SANBR: variants seen among roughly 807,000 people sequenced by gnomAD.
The protein encoded by SANBR is SANT and BTB domain regulator of CSR.
Under a neutral mutation model 101.8 loss-of-function variants are expected in SANBR, and 77 were observed. The observed-to-expected ratio is 0.76, with a 90% CI of 0.63 to 0.91. The LOEUF (loss-of-function observed/expected upper bound fraction) is 0.91. Among genes scored for constraint, SANBR ranks in the 40% least tolerant of loss-of-function variants. The pLI is 0.00. For missense variants in SANBR, 875 were observed against 853.0 expected (o/e 1.03, Z -0.32); for synonymous variants, 279 against 274.7 (o/e 1.02, Z -0.15).
intron 13 of SANBR, among the ~76,000 whole-genome samples, chr2:61,105,916 C>T (rs140223167): frequency 0.048 from 7,228 of 152,152 alleles, 271 homozygotes; most frequent in Middle Eastern, 0.085. Context: ...GTGATCCGCC[C>T]GCCTCGGCCT....
chr2:61,077,297 G>GA, intron 6 of SANBR, 139 bp downstream of exon 6: 1 of 672,056 alleles, frequency 1.5e-6, no homozygotes, highest in Non-Finnish European at 2.7e-6. Context: ...TTAGGAAACT[G>GA]ATAACCTCAT....
intron 17 of SANBR, among the ~76,000 whole-genome samples, chr2:61,116,400 G>A (rs1684082411): frequency 6.6e-6 from 1 of 152,108 alleles, no homozygotes; most frequent in South Asian, 2.1e-4. Flanking sequence ...GGAACTGAAC[G>A]TGTAAGGGAC....
intron 1 of SANBR, among the ~76,000 whole-genome samples, chr2:61,066,739 A>G (rs993523582): frequency 6.6e-6 from 1 of 152,200 alleles, no homozygotes; most frequent in Non-Finnish European, 1.5e-5. Flanking sequence ...AATAAGAAAA[A>G]AATATATCAG....
At chr2:61,086,997 G>T (rs1682467205) in intron 8 of SANBR, among the ~76,000 whole-genome samples, 1 of 152,112 alleles carries the variant, frequency 6.6e-6, no homozygotes, top group African/African-American at 2.4e-5. Flanking sequence ...TAGAATTAAA[G>T]ACATACTTAG....
chr2:61,080,372 C>G (rs1213289824), intron 6 of SANBR, among the ~76,000 whole-genome samples: 1 of 152,034 alleles, frequency 6.6e-6, no homozygotes, highest in Non-Finnish European at 1.5e-5. Context: ...GAATGGGGTA[C>G]ATTACCATTT....
chr2:61,126,211 A>C (rs1684508397), downstream of SANBR, among the ~76,000 whole-genome samples: 1 of 152,234 alleles, frequency 6.6e-6, no homozygotes. Flanking sequence ...GAAGTGCACA[A>C]GGCAAATATC....
chr2:61,088,991 A>G, intron 10 of SANBR: 1 of 902,012 alleles, frequency 1.1e-6, no homozygotes, highest in Non-Finnish European at 1.3e-6. Context: ...ATAATGTTTT[A>G]CACATTAAAA....
intron 10 of SANBR, among the ~76,000 whole-genome samples, chr2:61,091,718 T>G (rs1385100154): frequency 1.3e-5 from 2 of 152,116 alleles, no homozygotes; most frequent in African/African-American, 4.8e-5. Context: ...CTATGATGAT[T>G]GCACCACTGC....
downstream of SANBR, among the ~76,000 whole-genome samples, chr2:61,128,552 G>C (rs1264624645): frequency 1.3e-5 from 2 of 151,670 alleles, no homozygotes; most frequent in Non-Finnish European, 2.9e-5. Context: ...GAGTGCAGTG[G>C]TGCGATCTCA....
chr2:61,132,451 T>A (rs1162906962), intron 20 of SANBR, among the ~76,000 whole-genome samples: 2 of 152,080 alleles, frequency 1.3e-5, no homozygotes, highest in East Asian at 3.8e-4. Flanking sequence ...GAAATGCAAA[T>A]CAAAACCACA....
chr2:61,125,383 T>G (rs2104981490), downstream of SANBR, among the ~76,000 whole-genome samples: 1 of 152,364 alleles, frequency 6.6e-6, no homozygotes, highest in African/African-American at 2.4e-5. Context: ...AGGCACCTAA[T>G]ACTTTTCGTG....
chr2:61,130,997 G>A (rs773228409), intron 20 of SANBR, among the ~76,000 whole-genome samples: 3 of 121,360 alleles, frequency 2.5e-5, no homozygotes, highest in East Asian at 4.9e-4. Flanking sequence ...AAAAGCAATC[G>A]ACAAGCCCAA....
At chr2:61,099,036 A>T (rs1683167086) in intron 12 of SANBR, among the ~76,000 whole-genome samples, 1 of 152,222 alleles carries the variant, frequency 6.6e-6, no homozygotes, top group Non-Finnish European at 1.5e-5. Context: ...ACGTGAGGTG[A>T]AGAGGAAAGG....
intron 14 of SANBR, 41 bp from the exon 15 acceptor site, chr2:61,108,276 G>A (rs1479410796): frequency 7.3e-7 from 1 of 1,371,922 alleles, no homozygotes; most frequent in Non-Finnish European, 1.0e-6. Flanking sequence ...CTGCAATCTA[G>A]GTAAATGCAG....
intron 16 of SANBR, among the ~76,000 whole-genome samples, chr2:61,112,361 C>T (rs1683870461): frequency 6.6e-6 from 1 of 152,052 alleles, no homozygotes; most frequent in African/African-American, 2.4e-5. Flanking sequence ...AAATCTTTGG[C>T]CCATTTTTAT....
At chr2:61,070,304 C>T (rs754617359) in intron 2 of SANBR, 38 bp from the exon 3 acceptor site, 23 of 1,457,514 alleles carry the variant, frequency 1.6e-5, no homozygotes, top group Admixed American at 1.5e-4. Context: ...ATTTGGATTT[C>T]GGGTTTAAAT....
chr2:61,130,570 A>C (rs1684656742), intron 20 of SANBR, among the ~76,000 whole-genome samples: 2 of 152,180 alleles, frequency 1.3e-5, no homozygotes, highest in African/African-American at 2.4e-5. Context: ...TCTATGACCA[A>C]GGGAGATTTA....
chr2:61,124,565 G>T (rs749203727), downstream of SANBR, among the ~76,000 whole-genome samples: 9 of 152,044 alleles, frequency 5.9e-5, no homozygotes, highest in Admixed American at 2.0e-4. Context: ...AATTAACCTG[G>T]CATGGTGGCA....
chr2:61,094,699 G>T (rs1036491017), intron 11 of SANBR, among the ~76,000 whole-genome samples: 1 of 140,212 alleles, frequency 7.1e-6, no homozygotes, highest in Non-Finnish European at 1.5e-5. Flanking sequence ...CCTGGAGTGC[G>T]CTGGCGCCAT....
Sources: allele counts gnomAD v4.1 joint callset (sites outside exome capture counted in the v4.1 genomes callset), GRCh38; gene constraint gnomAD v4.1.1; transcripts MANE v1.5; gene names NCBI Gene and HGNC (gene_info 2026-07-23, HGNC 2026-07-21).